Variants in GRIA4 observed in about 807,000 individuals in gnomAD.
GRIA4 encodes the protein glutamate receptor 4.
In GRIA4, 34 loss-of-function variants were observed where a neutral mutation model predicts 104.0. That is an observed-to-expected ratio of 0.33 (90% confidence interval 0.25 to 0.44). GRIA4 has a LOEUF of 0.44. GRIA4 is among the 20% of genes least tolerant of loss of function. The probability of loss-of-function intolerance (pLI) is 1.00; values close to 1 mark genes in which losing one functional copy is unlikely to be tolerated. For missense variants in GRIA4, 750 were observed against 1,096.5 expected (o/e 0.68, Z 4.46); for synonymous variants, 386 against 381.9 (o/e 1.01, Z -0.13).
chr11:105,887,283 A>G lies in GRIA4; in HGVS notation c.673-236A>G, dbSNP rs543001539. ...TCATTCTTTTTAAGGAGATTATAAT[A>G]ATTTTCTGAACGAGGTTGATAGAAT... On this transcript the variant is annotated intron_variant, in intron 5 of 16. Transcript: ENST00000282499. Among the ~76,000 whole-genome samples the G allele has an allele frequency of 3.3e-5, 5 of 152,230 alleles. No individual in the cohort carries two copies. The South Asian group carries it at 1.0e-3, about 32-fold the overall frequency.
intron 3 of GRIA4, among the ~76,000 whole-genome samples, chr11:105,691,482 A>G (rs2135494863): frequency 6.6e-6 from 1 of 152,332 alleles, no homozygotes; most frequent in African/African-American, 2.4e-5. Flanking sequence ...GATAATAAGT[A>G]GTTTGCTTGG....
At chr11:105,812,042 T>TGGAA (rs1943193974) in intron 4 of GRIA4, among the ~76,000 whole-genome samples, 2 of 152,206 alleles carry the variant, frequency 1.3e-5, no homozygotes. Context: ...GGCGGGTGCC[T>TGGAA]GGAAGGCTGG....
At chr11:105,964,225 A>G (rs1350849575) in intron 14 of GRIA4, among the ~76,000 whole-genome samples, 1 of 152,192 alleles carries the variant, frequency 6.6e-6, no homozygotes, top group Non-Finnish European at 1.5e-5. Context: ...TACACCACTA[A>G]TGTGGCACTT....
intron 14 of GRIA4, among the ~76,000 whole-genome samples, chr11:105,957,301 A>T (rs557882460): frequency 3.9e-4 from 59 of 152,314 alleles, no homozygotes; most frequent in African/African-American, 1.3e-3. Context: ...GGTGTAAGGA[A>T]GGGATCCAGT....
At chr11:105,967,968 G>T (rs186142653) in intron 14 of GRIA4, among the ~76,000 whole-genome samples, 8 of 152,270 alleles carry the variant, frequency 5.3e-5, no homozygotes, top group Admixed American at 3.3e-4. Context: ...TTCATCAAAA[G>T]ATGTAAAATA....
intron 4 of GRIA4, among the ~76,000 whole-genome samples, chr11:105,853,732 G>A (rs1944904636): frequency 6.6e-6 from 1 of 152,188 alleles, no homozygotes; most frequent in Admixed American, 6.5e-5. Context: ...GTGGGGTGGG[G>A]GGAGTGTAGA....
chr11:105,845,663 C>T (rs1176155102), intron 4 of GRIA4, among the ~76,000 whole-genome samples: 4 of 152,254 alleles, frequency 2.6e-5, no homozygotes, highest in Non-Finnish European at 2.9e-5. Context: ...GCGGGTAGAT[C>T]GCGAGGTCAG....
intron 3 of GRIA4, among the ~76,000 whole-genome samples, chr11:105,712,703 T>A (rs928651234): frequency 5.8e-5 from 7 of 120,382 alleles, no homozygotes; most frequent in Non-Finnish European, 1.2e-4. Flanking sequence ...TTGTTTTTGT[T>A]TTGCTTTGTT....
At chr11:105,819,353 A>C (rs1397798892) in intron 4 of GRIA4, among the ~76,000 whole-genome samples, 1 of 152,142 alleles carries the variant, frequency 6.6e-6, no homozygotes, top group Non-Finnish European at 1.5e-5. Flanking sequence ...GTAAAATAAA[A>C]ATGATCATGA....
chr11:105,616,987 G>A (rs961603034), intron 3 of GRIA4, among the ~76,000 whole-genome samples: 1 of 151,092 alleles, frequency 6.6e-6, no homozygotes, highest in African/African-American at 2.4e-5. Flanking sequence ...TATATTTGAT[G>A]TATTTTAGAG....
chr11:105,871,682 G>GA (rs201256028), intron 5 of GRIA4, among the ~76,000 whole-genome samples: 22 of 149,812 alleles, frequency 1.5e-4, no homozygotes, highest in African/African-American at 2.2e-4. Flanking sequence ...ACTCAAATGT[G>GA]AAAAAAAAAT....
chr11:105,619,215 C>T (rs945310039), intron 3 of GRIA4, among the ~76,000 whole-genome samples: 1 of 151,860 alleles, frequency 6.6e-6, no homozygotes. Flanking sequence ...GAATTGGCAG[C>T]CTGATAGTGG....
intron 3 of GRIA4, chr11:105,612,852 G>A (rs1048883317): frequency 6.4e-6 from 1 of 157,114 alleles, no homozygotes; most frequent in African/African-American, 2.4e-5. Context: ...CATAGGTCTT[G>A]CTTTTAAAGA....
At chr11:105,873,572 C>T (rs1427845457) in intron 5 of GRIA4, among the ~76,000 whole-genome samples, 1 of 152,166 alleles carries the variant, frequency 6.6e-6, no homozygotes, top group Non-Finnish European at 1.5e-5. Flanking sequence ...TTCTCCACAT[C>T]CTCGCCAGCA....
At chr11:105,845,685 C>T (rs1944562129) in intron 4 of GRIA4, among the ~76,000 whole-genome samples, 1 of 151,786 alleles carries the variant, frequency 6.6e-6, no homozygotes, top group African/African-American at 2.4e-5. Flanking sequence ...AGATAGAGAC[C>T]ATCCTGGCTA....
intron 4 of GRIA4, among the ~76,000 whole-genome samples, chr11:105,795,306 C>T (rs1942435328): frequency 1.3e-5 from 2 of 152,090 alleles, no homozygotes; most frequent in Admixed American, 6.6e-5. Context: ...AATGACGTGA[C>T]AAGTGAACTG....
chr11:105,963,713 T>C (rs1948796059), intron 14 of GRIA4, among the ~76,000 whole-genome samples: 1 of 152,132 alleles, frequency 6.6e-6, no homozygotes, highest in Non-Finnish European at 1.5e-5. Context: ...AAAGACAATG[T>C]TTTAGAATAA....
chr11:105,649,277 C>T (rs1951620743), intron 3 of GRIA4, among the ~76,000 whole-genome samples: 3 of 151,720 alleles, frequency 2.0e-5, no homozygotes, highest in Non-Finnish European at 4.4e-5. Context: ...TTTTAAAAGA[C>T]AATTAATTAT....
At chr11:105,663,010 C>A (rs1006078835) in intron 3 of GRIA4, among the ~76,000 whole-genome samples, 10 of 151,722 alleles carry the variant, frequency 6.6e-5, no homozygotes, top group African/African-American at 2.4e-4. Context: ...AACAGTCTTG[C>A]CAAAAAATAA....
Sources: gnomAD v4.1 joint callset for allele counts (sites outside exome capture counted in the v4.1 genomes callset) on GRCh38, gnomAD v4.1.1 for gene constraint, MANE v1.5 for transcripts, NCBI Gene and HGNC (gene_info 2026-07-23, HGNC 2026-07-21) for gene names.